The following SLC28A3 variants were observed in gnomAD, a reference collection of about 807,000 sequenced individuals.
SLC28A3 encodes solute carrier family 28 member 3.
In SLC28A3, 68 loss-of-function variants were observed where a neutral mutation model predicts 84.2. The ratio of observed to expected loss-of-function variants is 0.81; its 90% CI spans 0.66 to 0.99. The LOEUF is 0.99. Ranked by LOEUF, SLC28A3 falls within the 50% of genes least tolerant of loss-of-function variation. The pLI is 0.00. For missense variants in SLC28A3, 712 were observed against 841.5 expected (o/e 0.85, Z 1.90); for synonymous variants, 267 against 303.6 (o/e 0.88, Z 1.25).
At position 84,275,792 on chromosome 9, in the gene SLC28A3, A is replaced by G. The variant is rs1255031624; in HGVS notation, c.*2426T>C. 2 of 152,192 alleles carry G rather than the reference A, an allele frequency of 1.3e-5. No homozygotes were observed. The highest frequency in any genetic ancestry group is 2.9e-5 in the Non-Finnish European group (2 of 68,044). 9.4% of individuals were successfully genotyped at this position (152,192 alleles called of 1,614,324 possible). A position where few individuals can be genotyped will look rare whatever the true frequency, so the allele number is the denominator to read the frequency against. ...TATCCTCTTATAATATAGCTCAGGA[A>G]TAACACCCCCTTTCTCAGTTCAAGG... On this transcript the variant is annotated 3_prime_UTR_variant, in exon 18 of 18. Coordinates refer to ENST00000376238, the MANE Select transcript of SLC28A3 (RefSeq NM_001199633.2).
chr9:84,278,415 C>A (rs1003567042), intron 17 of SLC28A3, 71 bp from the exon 18 acceptor site: 5 of 1,584,984 alleles, frequency 3.2e-6, no homozygotes, highest in East Asian at 4.5e-5. Context: ...CAGACAATGA[C>A]ATTAAAAATA....
the SLC28A3 span, among the ~76,000 whole-genome samples, chr9:84,368,551 A>G: frequency 1.3e-5 from 2 of 151,970 alleles, no homozygotes; most frequent in African/African-American, 4.8e-5. Flanking sequence ...TGGCAGGTTC[A>G]CTTCTGACTC....
intron 1 of SLC28A3, among the ~76,000 whole-genome samples, chr9:84,320,049 T>TTG (rs1826317074): frequency 7.7e-6 from 1 of 130,216 alleles, no homozygotes; most frequent in African/African-American, 3.1e-5. Flanking sequence ...TGTTTTTTTT[T>TTG]TTTTTTTTTT....
At chr9:84,352,269 C>T in the SLC28A3 span, among the ~76,000 whole-genome samples, 12 of 152,052 alleles carry the variant, frequency 7.9e-5, no homozygotes, top group South Asian at 2.1e-4. Context: ...CTGTAACCTC[C>T]GCCTCCTGGG....
At chr9:84,292,017 T>C (rs7864584) in intron 10 of SLC28A3, among the ~76,000 whole-genome samples, 37,161 of 152,118 alleles carry the variant, frequency 0.24, 7,715 homozygotes, top group African/African-American at 0.55. Context: ...AAAATTGAAG[T>C]CTAAAAGCTT....
At chr9:84,291,678 C>T (rs906478174) in intron 10 of SLC28A3, among the ~76,000 whole-genome samples, 2 of 152,218 alleles carry the variant, frequency 1.3e-5, no homozygotes, top group African/African-American at 4.8e-5. Context: ...TTCTTGTTGG[C>T]TTACCAACAA....
intron 6 of SLC28A3, 114 bp from the exon 7 acceptor site, chr9:84,298,133 C>T: frequency 2.4e-6 from 2 of 835,648 alleles, no homozygotes; most frequent in Admixed American, 5.5e-5. Context: ...GGCCTGTCAC[C>T]CACCTTCTTT....
At chr9:84,311,405 T>G (rs921725759) in intron 2 of SLC28A3, among the ~76,000 whole-genome samples, 1 of 151,400 alleles carries the variant, frequency 6.6e-6, no homozygotes, top group Non-Finnish European at 1.5e-5. Flanking sequence ...GAAGTACATT[T>G]GTTACAACTG....
chr9:84,295,061 G>A (rs1398357118), intron 8 of SLC28A3, among the ~76,000 whole-genome samples: 1 of 152,106 alleles, frequency 6.6e-6, no homozygotes, highest in East Asian at 1.9e-4. Context: ...TGCCCTGCAT[G>A]TGAGTCCCCC....
chr9:84,296,611 C>T (rs1011927878), intron 8 of SLC28A3, among the ~76,000 whole-genome samples: 2 of 152,254 alleles, frequency 1.3e-5, no homozygotes, highest in African/African-American at 2.4e-5. Flanking sequence ...AAGGAACTGA[C>T]TGTGGCCAGC....
chr9:84,318,119 A>T (rs1826235797), intron 1 of SLC28A3, among the ~76,000 whole-genome samples: 1 of 152,154 alleles, frequency 6.6e-6, no homozygotes, highest in Non-Finnish European at 1.5e-5. Flanking sequence ...TGGTTCATGT[A>T]ACTTTCTGGC....
In SLC28A3 at chr9:84,305,337, T is replaced by C. The variant is rs1825757878; in HGVS notation, c.251A>G (p.Glu84Gly). The C allele has an allele frequency of 6.2e-7, 1 of 1,612,680 alleles. No homozygotes were observed. The highest frequency in any genetic ancestry group is 8.5e-7 in the Non-Finnish European group (1 of 1,179,752). ...ACCACATACTGTGTCATACCTCCTT[T>C]CCAAACACCTGCAACATAAAAGCAA... ...DEEMQQKGCL[E>G]RRYDTVCGFC... Residue 84 changes from glutamate to glycine, a missense_variant, in exon 4 of 18, where the codon GAA becomes GGA. Glu to Gly is a moderately conservative substitution (Grantham distance 98). Transcript: ENST00000376238.
chr9:84,302,173 T>C (rs4877836), intron 5 of SLC28A3, 27 bp downstream of exon 5: 199,343 of 1,605,436 alleles, frequency 0.12, 13,085 homozygotes, highest in Admixed American at 0.17. Context: ...CTCTCTTAAC[T>C]GAAATAAGAG....
intron 14 of SLC28A3, among the ~76,000 whole-genome samples, chr9:84,283,574 T>G (rs1316391130): frequency 6.6e-6 from 1 of 152,242 alleles, no homozygotes; most frequent in South Asian, 2.1e-4. Flanking sequence ...TTTTCCTTTA[T>G]CTTTTTTTGG....
At chr9:84,281,409 T>G (rs1022747062) in intron 14 of SLC28A3, among the ~76,000 whole-genome samples, 4 of 152,194 alleles carry the variant, frequency 2.6e-5, no homozygotes, top group Non-Finnish European at 5.9e-5. Context: ...ATGTTCAACA[T>G]CATTGATCAC....
intron 1 of SLC28A3, among the ~76,000 whole-genome samples, chr9:84,339,480 C>T (rs1428993176): frequency 6.6e-6 from 1 of 152,112 alleles, no homozygotes; most frequent in Non-Finnish European, 1.5e-5. Flanking sequence ...AAATTCCTGA[C>T]CTCAAATGAT....
At position 84,309,652 on chromosome 9, in the gene SLC28A3, A is replaced by T; in HGVS notation, c.219T>A (p.Asp73Glu). Residue 73 changes from aspartate to glutamate, a missense_variant, in exon 3 of 18, where the codon GAT (aspartate) becomes GAA (glutamate). Asp to Glu is a conservative substitution (Grantham distance 45). Coordinates refer to ENST00000376238, the MANE Select transcript of SLC28A3 (RefSeq NM_001199633.2). ...SPRNREHMEDDDEEMQQKGCL... is the reference protein window; with the variant it reads ...SPRNREHMEDEDEEMQQKGCL... ...ACCCTTTTTGTTGCATCTCCTCATC[A>T]TCATCCTCCATGTGTTCTCTGTTTC... 1 of 1,613,272 alleles carries T rather than the reference A, an allele frequency of 6.2e-7. No individual in the cohort carries two copies. The highest frequency in any genetic ancestry group is 8.5e-7 in the Non-Finnish European group (1 of 1,179,900).
chr9:84,299,256 T>G (rs2118272133), intron 6 of SLC28A3, among the ~76,000 whole-genome samples: 1 of 152,334 alleles, frequency 6.6e-6, no homozygotes, highest in East Asian at 1.9e-4. Flanking sequence ...TTAGATTTTT[T>G]ACTGGTCTGG....
At chr9:84,295,027 C>T (rs1346185494) in intron 8 of SLC28A3, among the ~76,000 whole-genome samples, 1 of 152,036 alleles carries the variant, frequency 6.6e-6, no homozygotes, top group African/African-American at 2.4e-5. Context: ...AGCGGTTCTC[C>T]TCTCTAGCCT....
Sources: gnomAD v4.1 joint callset for allele counts (sites outside exome capture counted in the v4.1 genomes callset) on GRCh38, gnomAD v4.1.1 for gene constraint, MANE v1.5 for transcripts, NCBI Gene and HGNC (gene_info 2026-07-23, HGNC 2026-07-21) for gene names.